Variants in HMGN5 observed in about 807,000 individuals in gnomAD.
The protein encoded by HMGN5 is high mobility group nucleosome binding domain 5.
A neutral mutation model predicts 9.5 loss-of-function variants in HMGN5; 4 were observed. The observed-to-expected ratio is 0.42, with a 90% CI of 0.21 to 0.96. The LOEUF is 0.96. HMGN5 is among the 40% of genes least tolerant of loss of function. The pLI is 0.30. For missense variants in HMGN5, 192 were observed against 187.5 expected, an observed-to-expected ratio of 1.02 and a Z score of -0.14; for synonymous variants, 55 against 57.1, an observed-to-expected ratio of 0.96 and a Z score of 0.16.
intron 1 of HMGN5, among the ~76,000 whole-genome samples, chrX:81,148,893 G>A (rs927098942): frequency 8.9e-6 from 1 of 112,091 alleles, no homozygotes; most frequent in African/African-American, 3.2e-5. Context: ...ATCATCACTG[G>A]TCATGAGAGA....
intron 1 of HMGN5, among the ~76,000 whole-genome samples, chrX:81,167,884 T>G (rs1395750500): frequency 8.9e-6 from 1 of 112,151 alleles, no homozygotes; most frequent in African/African-American, 3.2e-5. Context: ...GGATTTTTTT[T>G]TTGTTTTGTT....
At chrX:81,160,853 C>T (rs866318291) in intron 1 of HMGN5, among the ~76,000 whole-genome samples, 25 of 111,583 alleles carry the variant, frequency 2.2e-4, no homozygotes, top group African/African-American at 6.8e-4. Flanking sequence ...ACATCTTCAA[C>T]CAATCATTCT....
chrX:81,137,465 C>G (rs1371397339), intron 1 of HMGN5, among the ~76,000 whole-genome samples: 1 of 111,096 alleles, frequency 9.0e-6, no homozygotes. Context: ...AAACAAAACA[C>G]CTTTATATAG....
intron 1 of HMGN5, among the ~76,000 whole-genome samples, chrX:81,128,373 A>G (rs1363987407): frequency 9.0e-6 from 1 of 111,486 alleles, no homozygotes; most frequent in Non-Finnish European, 1.9e-5. Context: ...AACTAAGCAT[A>G]TCTTTGGAAC....
chrX:81,116,450 T>TA, intron 5 of HMGN5, 109 bp from the exon 6 acceptor site: 4 of 487,431 alleles, frequency 8.2e-6, no homozygotes. Flanking sequence ...GCAAACTCTT[T>TA]AAAGTATCAC....
intron 1 of HMGN5, among the ~76,000 whole-genome samples, chrX:81,172,677 C>A (rs763620172): frequency 9.1e-6 from 1 of 110,067 alleles, no homozygotes; most frequent in Non-Finnish European, 1.9e-5. Flanking sequence ...CTGATAATAT[C>A]AACTACTTTA....
At chrX:81,188,680 A>G (rs1027146617) in intron 1 of HMGN5, among the ~76,000 whole-genome samples, 1 of 107,798 alleles carries the variant, frequency 9.3e-6, no homozygotes, top group Non-Finnish European at 1.9e-5. Context: ...CCTGTGTCCA[A>G]GTGTTCTCAT....
intron 1 of HMGN5, among the ~76,000 whole-genome samples, chrX:81,140,731 C>T (rs778164906): frequency 9.0e-6 from 1 of 110,999 alleles, no homozygotes; most frequent in East Asian, 2.8e-4. Context: ...AGCATATGAC[C>T]AGCTCTGGTG....
At chrX:81,154,808 C>A (rs960492065) in intron 1 of HMGN5, among the ~76,000 whole-genome samples, 2 of 110,018 alleles carry the variant, frequency 1.8e-5, no homozygotes, top group Admixed American at 9.8e-5. Context: ...CAAATCAAAA[C>A]TACAATGAGA....
intron 1 of HMGN5, among the ~76,000 whole-genome samples, chrX:81,149,494 A>G (rs1010060303): frequency 9.0e-6 from 1 of 111,718 alleles, no homozygotes; most frequent in Non-Finnish European, 1.9e-5. Context: ...TAGGGAAGGG[A>G]TAGCATTAGG....
rs2075264024 is a variant in HMGN5 at position 81,119,773 on chromosome X, A to G, written c.45+15T>C. On this transcript the variant is annotated intron_variant, in intron 3 of 6. Coordinates refer to ENST00000358130, the MANE Select transcript of HMGN5 (RefSeq NM_030763.3). Reference sequence around the variant, plus strand: ...GTGGTTTTTCCTAATAGATGCTAAGACTAAAGAAACTCACCTCCTGCCTCA... The same window carrying G: ...GTGGTTTTTCCTAATAGATGCTAAGGCTAAAGAAACTCACCTCCTGCCTCA... 3 of 1,196,600 alleles carry G rather than the reference A, an allele frequency of 2.5e-6. No homozygotes were observed. Among genetic ancestry groups the G allele is most frequent in the Non-Finnish European group, 3.4e-6 (3 of 883,247 alleles).
At position 81,114,521 on chromosome X, in the gene HMGN5, T is replaced by A; in HGVS notation, c.*128A>T. On this transcript the variant is annotated 3_prime_UTR_variant, in exon 7 of 7. Transcript: ENST00000358130. ...TTATGGCTAATAATCAATATGAAGA[T>A]GTTCTGAAATTAAATCAATGCTAAA... The A allele has an allele frequency of 1.7e-6, 1 of 582,444 alleles. No homozygotes were observed. Among genetic ancestry groups the A allele is most frequent in the East Asian group, 4.1e-5 (1 of 24,138 alleles). The allele number at this position is 582,444 out of a possible 1,213,427, so 48.0% of individuals were successfully genotyped here.
chrX:81,176,691 C>A (rs2075443039), intron 1 of HMGN5, among the ~76,000 whole-genome samples: 1 of 110,866 alleles, frequency 9.0e-6, no homozygotes, highest in Non-Finnish European at 1.9e-5. Context: ...TATCAGTGAC[C>A]AAAGATGAAA....
rs367767846 is a variant in HMGN5 at position 81,118,762 on chromosome X, A to G, written c.46-3T>C. 1.4e-5 allele frequency: 16 copies of G among 1,174,319 alleles called. No homozygotes were observed. The highest frequency in any genetic ancestry group is 3.5e-5 in the African/African-American group (2 of 56,587). The stretch of plus-strand genomic sequence containing the variant: ...AACCTGGCAGATCTTCTCTTTGGCT[A>G]TAAGTTAAAAACAAAAATCTGTTAA... On this transcript the variant is annotated splice_region_variant and splice_polypyrimidine_tract_variant and intron_variant, in intron 3 of 6. Transcript: ENST00000358130.
At chrX:81,134,777 G>A (rs2075306999) in intron 1 of HMGN5, among the ~76,000 whole-genome samples, 1 of 111,815 alleles carries the variant, frequency 8.9e-6, no homozygotes. Flanking sequence ...GAGACTTGTG[G>A]ATCAATGGAA....
chrX:81,201,564 A>G (rs1389739285), intron 1 of HMGN5, among the ~76,000 whole-genome samples, 173 bp downstream of exon 1: 1 of 111,932 alleles, frequency 8.9e-6, no homozygotes, highest in Non-Finnish European at 1.9e-5. Context: ...CAAAAAGAAA[A>G]CCAATCCTGC....
At position 81,129,368 on chromosome X, in the gene HMGN5, T is replaced by A. The variant is rs749698721; in HGVS notation, c.-123-7696A>T. ...GAAATGGCTTTTTTTGATTTGCATATCTTTAATTACGAGTGAAGCTGAACA... is the reference window on the plus strand; with the variant it reads ...GAAATGGCTTTTTTTGATTTGCATAACTTTAATTACGAGTGAAGCTGAACA... On this transcript the variant is annotated intron_variant, in intron 1 of 6. Coordinates refer to ENST00000358130, the MANE Select transcript of HMGN5 (RefSeq NM_030763.3). Among the ~76,000 whole-genome samples, 5 of 111,785 alleles carry A rather than the reference T, an allele frequency of 4.5e-5. No homozygotes were observed. In the South Asian group the frequency reaches 1.5e-3, roughly 33 times the overall value.
chrX:81,161,247 A>G (rs2075397128), intron 1 of HMGN5, among the ~76,000 whole-genome samples: 1 of 111,076 alleles, frequency 9.0e-6, no homozygotes, highest in Non-Finnish European at 1.9e-5. Context: ...ATTTCTATAA[A>G]TAAAGTCTTC....
chrX:81,122,632 T>G (rs1262137652), intron 1 of HMGN5, among the ~76,000 whole-genome samples: 2 of 112,098 alleles, frequency 1.8e-5, no homozygotes, highest in African/African-American at 6.5e-5. Flanking sequence ...TGCAAGAATT[T>G]TGATATTTAA....
Sources: gnomAD v4.1 joint callset for allele counts (sites outside exome capture counted in the v4.1 genomes callset) on GRCh38, gnomAD v4.1.1 for gene constraint, MANE v1.5 for transcripts, NCBI Gene and HGNC (gene_info 2026-07-23, HGNC 2026-07-21) for gene names.